Variants in PMF1 observed in about 807,000 individuals in gnomAD.
The protein encoded by PMF1 is polyamine-modulated factor 1.
PMF1 carries 21 observed loss-of-function variants against 26.7 expected under a neutral mutation model. The ratio of observed to expected loss-of-function variants is 0.79; its 90% CI spans 0.56 to 1.13. The LOEUF (loss-of-function observed/expected upper bound fraction) is 1.13, where lower values mean the gene tolerates loss of function less well. PMF1 is among the 50% of genes most tolerant of loss of function. The pLI, the probability that PMF1 is intolerant of heterozygous loss-of-function variation, is 0.00. For missense variants in PMF1, 266 were observed against 254.9 expected (o/e 1.04, Z -0.30); for synonymous variants, 105 against 101.0 (o/e 1.04, Z -0.24).
chr1:156,236,318 G>A lies in PMF1; in HGVS notation c.399G>A (p.Leu133=). 1 of 1,614,150 alleles carries A rather than the reference G, an allele frequency of 6.2e-7. No homozygotes were observed. Among genetic ancestry groups the A allele is most frequent in the South Asian group, 1.1e-5 (1 of 91,082 alleles). The change falls in exon 4 of 5, where the codon CTG becomes CTA. Residue 133 remains leucine (L), a synonymous_variant. Transcript: ENST00000368277. ...CCAGCGGGATCCCAGAGAAGGATCT[G>A]CACAGTGTTATGGCACCCTACTTCC... ...WRPSGIPEKD[L]HSVMAPYFLQ...
chr1:156,220,653 T>C (rs1165369340), intron 1 of PMF1: 1 of 152,212 alleles, frequency 6.6e-6, no homozygotes, highest in African/African-American at 2.4e-5. Flanking sequence ...TGTTTGTGTG[T>C]ATATATATTT....
At chr1:156,217,727 C>CAAAAAA (rs10659605) in intron 1 of PMF1, among the ~76,000 whole-genome samples, 2 of 83,340 alleles carry the variant, frequency 2.4e-5, no homozygotes. Context: ...GTCTCCAACT[C>CAAAAAA]AAAAAAAAAA....
intron 4 of PMF1, among the ~76,000 whole-genome samples, chr1:156,237,823 C>T (rs1050968229): frequency 6.6e-6 from 1 of 152,140 alleles, no homozygotes; most frequent in Non-Finnish European, 1.5e-5. Context: ...GTGACATGAT[C>T]TTGGTTCACT....
Position 156,239,706 on chromosome 1 carries a change from C to T in PMF1, c.*105C>T. ...CTCTGAGAACGGCTGAAATGGTGCC[C>T]AGTCCATCAGCAGTGATGGAATTTG... On this transcript the variant is annotated 3_prime_UTR_variant, in exon 5 of 5. Coordinates refer to ENST00000368277, the MANE Select transcript of PMF1 (RefSeq NM_007221.4). The T allele has an allele frequency of 1.1e-6, 1 of 889,222 alleles. No homozygotes were observed. Among genetic ancestry groups the T allele is most frequent in the Non-Finnish European group, 1.9e-6 (1 of 538,050 alleles). The allele number at this position is 889,222 out of a possible 1,614,324, so 55.1% of individuals were successfully genotyped here. A position where few individuals can be genotyped will look rare whatever the true frequency, so the allele number is the denominator to read the frequency against.
At chr1:156,232,544 C>G (rs989843026) in intron 2 of PMF1, 119 bp downstream of exon 2, 141 of 878,520 alleles carry the variant, frequency 1.6e-4, no homozygotes, top group Admixed American at 2.3e-5. Flanking sequence ...CTAGAGCTGT[C>G]CTGGGTGCCC....
chr1:156,213,920 T>A (rs528889718), intron 1 of PMF1, among the ~76,000 whole-genome samples: 1 of 152,146 alleles, frequency 6.6e-6, no homozygotes, highest in Non-Finnish European at 1.5e-5. Context: ...TTTATTTTTA[T>A]TTTTATTTTT....
At chr1:156,227,776 G>C (rs1658450358) in intron 1 of PMF1, among the ~76,000 whole-genome samples, 1 of 151,782 alleles carries the variant, frequency 6.6e-6, no homozygotes, top group African/African-American at 2.4e-5. Context: ...GGGATAACAG[G>C]TGTGAGCCAC....
At chr1:156,236,785 A>T in intron 4 of PMF1, 1 of 410,532 alleles carries the variant, frequency 2.4e-6, no homozygotes, top group Non-Finnish European at 4.4e-6. Context: ...CCTCCACATC[A>T]GATTTGGAGT....
At chr1:156,227,464 TTTC>T (rs1391960773) in intron 1 of PMF1, among the ~76,000 whole-genome samples, 2 of 150,522 alleles carry the variant, frequency 1.3e-5, no homozygotes, top group Non-Finnish European at 3.0e-5. Flanking sequence ...AGATTTAAAA[TTTC>T]TTTTAATTTT....
intron 4 of PMF1, among the ~76,000 whole-genome samples, chr1:156,237,477 C>CA (rs1234690920): frequency 7.2e-6 from 1 of 138,280 alleles, no homozygotes; most frequent in African/African-American, 2.7e-5. Flanking sequence ...GACAGAGTCT[C>CA]ACTCTGTTGC....
intron 4 of PMF1, 101 bp from the exon 5 acceptor site, chr1:156,239,447 T>C: frequency 1.1e-6 from 1 of 877,382 alleles, no homozygotes; most frequent in Non-Finnish European, 1.9e-6. Flanking sequence ...CCATCCATAT[T>C]GTCCTGGGGG....
chr1:156,232,511 C>T (rs114468684), intron 2 of PMF1, 86 bp downstream of exon 2: 93 of 1,298,080 alleles, frequency 7.2e-5, no homozygotes, highest in Middle Eastern at 4.1e-4. Context: ...GCCCCACCCT[C>T]TACACCTCTG....
In PMF1 at chr1:156,239,894, C is replaced by G. The variant is rs111548534; in HGVS notation, c.*293C>G. The G allele has an allele frequency of 6.3e-3, 2,431 of 385,080 alleles. 53 individuals are homozygous for G. The highest frequency in any genetic ancestry group is 0.047 in the African/African-American group (2,275 of 48,682). The allele number at this position is 385,080 out of a possible 1,614,324, so 23.9% of individuals were successfully genotyped here. ...CAGGTCAGCTCTGCCCCTCCGCCCC[C>G]CTCCTGCTGGTTCCCCAGCCCTTTT... On this transcript the variant is annotated 3_prime_UTR_variant, in exon 5 of 5. Transcript: ENST00000368277.
chr1:156,213,299 A>G, intron 1 of PMF1, 123 bp downstream of exon 1: 1 of 1,406,390 alleles, frequency 7.1e-7, no homozygotes, highest in Non-Finnish European at 9.6e-7. Context: ...GGGCAGTCGG[A>G]CGAGGCGACC....
intron 1 of PMF1, among the ~76,000 whole-genome samples, chr1:156,221,059 C>G (rs191868104): frequency 1.3e-5 from 2 of 152,186 alleles, no homozygotes; most frequent in African/African-American, 4.8e-5. Context: ...CGACGTCATT[C>G]TCTGCCCCTT....
At chr1:156,235,454 T>C (rs1658954280) in intron 3 of PMF1, among the ~76,000 whole-genome samples, 1 of 141,722 alleles carries the variant, frequency 7.1e-6, no homozygotes, top group African/African-American at 2.6e-5. Flanking sequence ...TTTTTTTTTT[T>C]TTTTTGAGAC....
At chr1:156,219,215 C>T (rs1051435365) in intron 1 of PMF1, among the ~76,000 whole-genome samples, 2 of 151,984 alleles carry the variant, frequency 1.3e-5, no homozygotes, top group Non-Finnish European at 1.5e-5. Flanking sequence ...CACCATGCAC[C>T]AAAAAAGACC....
chr1:156,237,446 C>CT (rs33952725), intron 4 of PMF1, among the ~76,000 whole-genome samples: 39,058 of 123,266 alleles, frequency 0.32, 6,830 homozygotes, highest in Non-Finnish European at 0.34. Context: ...TATTTTTTGT[C>CT]TTTTTTTTTT....
intron 1 of PMF1, among the ~76,000 whole-genome samples, chr1:156,215,277 CCTT>C (rs1272217502): frequency 2.0e-5 from 3 of 152,112 alleles, no homozygotes; most frequent in Admixed American, 6.6e-5. Flanking sequence ...CTGGCAGAGA[CCTT>C]CTTGGCTACA....
Sources: gnomAD v4.1 joint callset for allele counts (sites outside exome capture counted in the v4.1 genomes callset) on GRCh38, gnomAD v4.1.1 for gene constraint, MANE v1.5 for transcripts, NCBI Gene and HGNC (gene_info 2026-07-23, HGNC 2026-07-21) for gene names.